Variants in LRP1B observed in about 807,000 individuals in gnomAD.
LRP1B encodes LDL receptor related protein 1B.
Under a neutral mutation model 556.6 loss-of-function variants are expected in LRP1B, and 217 were observed. That is an observed-to-expected ratio of 0.39 (90% CI 0.35 to 0.44). The LOEUF (loss-of-function observed/expected upper bound fraction) is 0.44. LRP1B is among the 20% of genes least tolerant of loss of function. The pLI, the probability that LRP1B is intolerant of heterozygous loss-of-function variation, is 1.00. For missense variants in LRP1B, 5,053 were observed against 5,620.8 expected, an observed-to-expected ratio of 0.90 and a Z score of 3.23; for synonymous variants, 2,047 against 1,865.8, an observed-to-expected ratio of 1.10 and a Z score of -2.50.
intron 41 of LRP1B, among the ~76,000 whole-genome samples, chr2:140,690,079 A>G (rs1011635409): frequency 6.6e-6 from 1 of 152,140 alleles, no homozygotes. Context: ...CATCCATCTA[A>G]AGAATATCAG....
chr2:141,504,422 A>T (rs1384322550), intron 2 of LRP1B, among the ~76,000 whole-genome samples: 1 of 152,044 alleles, frequency 6.6e-6, no homozygotes, highest in Non-Finnish European at 1.5e-5. Context: ...GAGAGAAATG[A>T]CTCCACTTAA....
rs780461655 is a variant in LRP1B, at chr2:140,993,888, C to T, written c.2644+107G>A. 2.2e-5 allele frequency: 25 copies of T among 1,126,598 alleles called. No homozygotes were observed. In the African/African-American group the frequency reaches 3.0e-4, roughly 13 times the overall value. The allele number at this position is 1,126,598 out of a possible 1,614,324, so 69.8% of individuals were successfully genotyped here. ...GATGACTGAAAAATTAAACTAGGTT[C>T]AATCTGCATCAAAGGTATTTTCAGA... On this transcript the variant is annotated intron_variant, in intron 16 of 90. Coordinates refer to ENST00000389484, the MANE Select transcript of LRP1B (RefSeq NM_018557.3).
intron 2 of LRP1B, among the ~76,000 whole-genome samples, chr2:141,592,392 G>T (rs957050296): frequency 9.9e-5 from 15 of 152,128 alleles, no homozygotes; most frequent in Admixed American, 3.9e-4. Context: ...GTCTTGGTGT[G>T]TCTTCACATG....
chr2:141,947,347 G>C (rs893123366), intron 1 of LRP1B, among the ~76,000 whole-genome samples: 3 of 152,154 alleles, frequency 2.0e-5, no homozygotes, highest in African/African-American at 7.2e-5. Context: ...TGAGGCAGGA[G>C]AATTGCTTAA....
rs1181900264 is a variant in LRP1B, at chr2:141,474,144, C to T, written c.343+6252G>A. ...CCTTCCTTTCCTCCTTTCTTCTTTT[C>T]CTTTTTCCATAGTAGTAGCTGGAAT... On this transcript the variant is annotated intron_variant, in intron 3 of 90. Transcript: ENST00000389484. Among the ~76,000 whole-genome samples the T allele has an allele frequency of 1.6e-4, 23 of 142,674 alleles. 1 individual carries two copies. The highest frequency in any genetic ancestry group is 1.2e-4 in the Non-Finnish European group (8 of 66,508). 93.6% of individuals were successfully genotyped at this position (142,674 alleles called of 152,430 possible). A position where few individuals can be genotyped will look rare whatever the true frequency, so the allele number is the denominator to read the frequency against.
chr2:140,862,343 T>C (rs1223422973), intron 27 of LRP1B, among the ~76,000 whole-genome samples: 1 of 152,190 alleles, frequency 6.6e-6, no homozygotes, highest in African/African-American at 2.4e-5. Context: ...TGTCCAGAAA[T>C]TAAGTTTTAT....
chr2:141,393,874 A>G (rs1690145798), intron 3 of LRP1B, among the ~76,000 whole-genome samples: 1 of 152,196 alleles, frequency 6.6e-6, no homozygotes, highest in Non-Finnish European at 1.5e-5. Context: ...CGAATATTTC[A>G]TAGTCTTGTT....
intron 2 of LRP1B, among the ~76,000 whole-genome samples, chr2:141,689,520 G>A (rs1266397067): frequency 6.6e-6 from 1 of 151,252 alleles, no homozygotes; most frequent in Non-Finnish European, 1.5e-5. Context: ...TCACTTTGTA[G>A]CAAATATGTA....
At position 140,510,138 on chromosome 2, in the gene LRP1B, G is replaced by T. The variant is rs1427657569; in HGVS notation, c.8270-82C>A. ...TACCATTTACATTTTCTACAGTAAG[G>T]GGGGAAGCAGAAGAATGTTGCTTAT... On this transcript the variant is annotated intron_variant, in intron 51 of 90. Transcript: ENST00000389484. 8 of 1,457,282 alleles carry T rather than the reference G, an allele frequency of 5.5e-6. No individual in the cohort carries two copies. In the Admixed American group the frequency reaches 9.8e-5, roughly 18 times the overall value. The allele number at this position is 1,457,282 out of a possible 1,614,324, so 90.3% of individuals were successfully genotyped here. A position where few individuals can be genotyped will look rare whatever the true frequency, so the allele number is the denominator to read the frequency against.
rs183223423 is a variant in LRP1B at position 141,077,184 on chromosome 2, G to A, written c.1014-14911C>T. ...AATCACTAGAACCCAGGAAGTGGAG[G>A]TTGCAGTGAGCTGAGATTGTGCCAC... On this transcript the variant is annotated intron_variant, in intron 7 of 90. Coordinates refer to ENST00000389484, the MANE Select transcript of LRP1B (RefSeq NM_018557.3). 4.0e-3 allele frequency among the ~76,000 whole-genome samples: 611 copies of A among 152,264 alleles called. 5 individuals are homozygous for A. The highest frequency in any genetic ancestry group is 0.013 in the African/African-American group (549 of 41,542).
At chr2:140,619,057 T>C (rs1168962445) in intron 41 of LRP1B, among the ~76,000 whole-genome samples, 2 of 146,852 alleles carry the variant, frequency 1.4e-5, no homozygotes, top group East Asian at 2.0e-4. Context: ...TAGAATCTGA[T>C]GGTATGTATA....
chr2:140,652,876 T>C (rs1005609517), intron 41 of LRP1B, among the ~76,000 whole-genome samples: 1 of 152,068 alleles, frequency 6.6e-6, no homozygotes, highest in Non-Finnish European at 1.5e-5. Flanking sequence ...TTAAAAAAAT[T>C]GTTGAAAATA....
intron 3 of LRP1B, among the ~76,000 whole-genome samples, chr2:141,342,274 A>AAAATAAATAAATAAATAAAT (rs5834823): frequency 9.1e-5 from 13 of 142,080 alleles, no homozygotes; most frequent in Admixed American, 5.0e-4. Context: ...AAATAAAAAT[A>AAAATAAATAAATAAATAAAT]AAATAAATAA....
At chr2:140,245,728 T>A (rs1003503634) in intron 87 of LRP1B, among the ~76,000 whole-genome samples, 3 of 151,324 alleles carry the variant, frequency 2.0e-5, no homozygotes, top group Non-Finnish European at 4.4e-5. Flanking sequence ...AGATAAAGTA[T>A]TTTTTCTTTT....
chr2:140,286,049 A>G (rs1315262901), intron 84 of LRP1B, among the ~76,000 whole-genome samples: 2 of 151,874 alleles, frequency 1.3e-5, no homozygotes, highest in East Asian at 3.9e-4. Flanking sequence ...CTTTATAAAT[A>G]AAACAGTACA....
chr2:140,728,441 C>A (rs1687667587), intron 35 of LRP1B, among the ~76,000 whole-genome samples: 1 of 152,088 alleles, frequency 6.6e-6, no homozygotes, highest in Non-Finnish European at 1.5e-5. Context: ...TTTGTTTTAG[C>A]TTCACAAAGG....
intron 7 of LRP1B, among the ~76,000 whole-genome samples, chr2:141,117,340 T>C (rs572814602): frequency 2.6e-5 from 4 of 152,060 alleles, no homozygotes; most frequent in South Asian, 2.1e-4. Flanking sequence ...GTGTCACTTT[T>C]AGTGGAGTTT....
At chr2:141,706,628 T>A (rs529783263) in intron 2 of LRP1B, among the ~76,000 whole-genome samples, 1 of 152,216 alleles carries the variant, frequency 6.6e-6, no homozygotes, top group African/African-American at 2.4e-5. Flanking sequence ...TTGGCATTGC[T>A]ATACAGAAGG....
Position 141,254,634 on chromosome 2 carries a change from T to C in LRP1B, c.351A>G (p.Leu117=). Residue 117 remains leucine (L), a synonymous_variant, in exon 4 of 91, where the codon TTA becomes TTG. Transcript: ENST00000389484. ...GACAATTCAGCTGTTGGCAATTGGA[T>C]AACAGTTCTGTAGAGAAAAAACAAA... The part of the protein sequence containing the change: ...YDEGVHCQEL[L]SNCQQLNCQY... The C allele has an allele frequency of 6.2e-7, 1 of 1,608,068 alleles. No individual in the cohort carries two copies. Among genetic ancestry groups the C allele is most frequent in the Non-Finnish European group, 8.5e-7 (1 of 1,175,566 alleles).
Sources: gnomAD v4.1 joint callset for allele counts (sites outside exome capture counted in the v4.1 genomes callset) on GRCh38, gnomAD v4.1.1 for gene constraint, MANE v1.5 for transcripts, NCBI Gene and HGNC (gene_info 2026-07-23, HGNC 2026-07-21) for gene names.